Variants in RTF2 observed in about 807,000 individuals in gnomAD.
RTF2 encodes UPF0549 protein C20orf43.
A neutral mutation model predicts 38.0 loss-of-function variants in RTF2; 18 were observed. The observed-to-expected ratio is 0.47, with a 90% confidence interval of 0.33 to 0.70. The LOEUF is 0.70. Among genes scored for constraint, RTF2 ranks in the 30% least tolerant of loss-of-function variants. The pLI, the probability that RTF2 is intolerant of heterozygous loss-of-function variation, is 0.02. For missense variants in RTF2, 311 were observed against 379.6 expected, an observed-to-expected ratio of 0.82 and a Z score of 1.50; for synonymous variants, 126 against 137.1, an observed-to-expected ratio of 0.92 and a Z score of 0.57.
intron 5 of RTF2, among the ~76,000 whole-genome samples, chr20:56,511,333 C>T (rs549800224): frequency 8.6e-4 from 130 of 151,972 alleles, no homozygotes; most frequent in African/African-American, 2.9e-3. Flanking sequence ...TTGTGAACTG[C>T]GCACGTGAGG....
At chr20:56,471,150 C>T (rs747021347) in intron 1 of RTF2, among the ~76,000 whole-genome samples, 87 of 152,088 alleles carry the variant, frequency 5.7e-4, no homozygotes, top group Non-Finnish European at 1.2e-3. Flanking sequence ...TAGGTGGTAT[C>T]AGAATTGAGT....
intron 4 of RTF2, among the ~76,000 whole-genome samples, chr20:56,480,466 C>T (rs539270132): frequency 2.8e-4 from 42 of 152,316 alleles, no homozygotes; most frequent in Non-Finnish European, 4.1e-4. Context: ...ATCAGCAATA[C>T]GGTTGTTTCA....
rs1983455980 is a variant in RTF2 at position 56,495,388 on chromosome 20, C to G, written c.477+11199C>G. 6.1e-6 allele frequency: 6 copies of G among 989,584 alleles called. No homozygotes were observed. The South Asian group carries it at 8.6e-5, about 14-fold the overall frequency. 61.3% of individuals were successfully genotyped at this position (989,584 alleles called of 1,614,324 possible). ...TTCTGTGCTATCATTTCCATTTCCT[C>G]TAGATGAGGTAGTCAATGAGAAAAG... On this transcript the variant is annotated intron_variant, in intron 5 of 8. Coordinates refer to ENST00000357348, the MANE Select transcript of RTF2 (RefSeq NM_016407.5).
At chr20:56,503,588 T>C (rs1349756850) in intron 5 of RTF2, among the ~76,000 whole-genome samples, 2 of 152,210 alleles carry the variant, frequency 1.3e-5, no homozygotes, top group African/African-American at 4.8e-5. Flanking sequence ...AAAAGACACC[T>C]GCAACACCGA....
At chr20:56,479,283 T>C (rs1171747813) in intron 4 of RTF2, among the ~76,000 whole-genome samples, 1 of 152,202 alleles carries the variant, frequency 6.6e-6, no homozygotes, top group African/African-American at 2.4e-5. Flanking sequence ...TGGAGTGCAG[T>C]GGCACAATCT....
intron 5 of RTF2, among the ~76,000 whole-genome samples, chr20:56,491,248 C>G (rs1983107347): frequency 6.6e-6 from 1 of 152,130 alleles, no homozygotes; most frequent in Admixed American, 6.6e-5. Context: ...CGTTCTTATT[C>G]CAGCTTGAGC....
At chr20:56,508,205 A>C (rs1318353449) in intron 5 of RTF2, among the ~76,000 whole-genome samples, 2 of 152,178 alleles carry the variant, frequency 1.3e-5, no homozygotes, top group Non-Finnish European at 2.9e-5. Flanking sequence ...TAAATAACCC[A>C]GCTAAGGCAG....
intron 5 of RTF2, chr20:56,497,466 T>C: frequency 6.6e-7 from 1 of 1,519,104 alleles, no homozygotes; most frequent in South Asian, 1.2e-5. Flanking sequence ...TTCATCTGGG[T>C]AAAAGCCACA....
chr20:56,513,463 T>C, intron 6 of RTF2, 35 bp downstream of exon 6: 1 of 1,556,014 alleles, frequency 6.4e-7, no homozygotes, highest in South Asian at 1.2e-5. Context: ...CCAGCCCCCA[T>C]CTCTGCTCCA....
At position 56,518,934 on chromosome 20, in the gene RTF2, C is replaced by A. The variant is rs41274730; in HGVS notation, c.*669C>A. The A allele has an allele frequency of 0.018, 2,817 of 152,318 alleles. 53 individuals carry two copies. The highest frequency in any genetic ancestry group is 0.041 in the Middle Eastern group (12 of 294). The allele number at this position is 152,318 out of a possible 1,614,324, so 9.4% of individuals were successfully genotyped here. On this transcript the variant is annotated 3_prime_UTR_variant, in exon 9 of 9. Coordinates refer to ENST00000357348, the MANE Select transcript of RTF2 (RefSeq NM_016407.5). ...CCTTCTGCTCATGCTTGGGTAAGAA[C>A]ATTGCAGCCGTTGCATTGGTGATTA...
At chr20:56,476,502 CT>C (rs11472534) in intron 3 of RTF2, among the ~76,000 whole-genome samples, 23 of 142,270 alleles carry the variant, frequency 1.6e-4, no homozygotes, top group Non-Finnish European at 2.1e-4. Flanking sequence ...TTTCTGTTTT[CT>C]TTTTTTTTTT....
intron 5 of RTF2, among the ~76,000 whole-genome samples, chr20:56,492,477 T>G (rs1009485437): frequency 6.8e-6 from 1 of 148,110 alleles, no homozygotes; most frequent in African/African-American, 2.5e-5. Flanking sequence ...CCCAGCACTT[T>G]GGGAGGCCGA....
intron 5 of RTF2, among the ~76,000 whole-genome samples, chr20:56,485,358 G>A (rs1982738761): frequency 6.6e-6 from 1 of 152,200 alleles, no homozygotes; most frequent in Non-Finnish European, 1.5e-5. Context: ...TGAGAGTGGA[G>A]GGCTGGTGAG....
chr20:56,493,498 GAT>G (rs1366571284), intron 5 of RTF2, among the ~76,000 whole-genome samples: 1 of 151,664 alleles, frequency 6.6e-6, no homozygotes, highest in African/African-American at 2.4e-5. Context: ...TATCTACAAA[GAT>G]AAAAAATTAG....
At chr20:56,497,588 T>C in intron 5 of RTF2, 2 of 1,334,474 alleles carry the variant, frequency 1.5e-6, no homozygotes, top group African/African-American at 1.5e-5. Flanking sequence ...GTCCAGACTT[T>C]GTGGCTCGAA....
intron 1 of RTF2, among the ~76,000 whole-genome samples, chr20:56,469,201 C>G (rs1981834846): frequency 6.6e-6 from 1 of 152,208 alleles, no homozygotes; most frequent in Non-Finnish European, 1.5e-5. Context: ...CCTTCCCAAA[C>G]TGTTCCCTTA....
At chr20:56,495,665 C>A (rs1257083501) in intron 5 of RTF2, among the ~76,000 whole-genome samples, 2 of 152,034 alleles carry the variant, frequency 1.3e-5, no homozygotes, top group African/African-American at 4.8e-5. Flanking sequence ...TGTAACAGCC[C>A]TCGGAGATTA....
chr20:56,483,646 C>T (rs1326296989), intron 4 of RTF2, among the ~76,000 whole-genome samples: 2 of 152,174 alleles, frequency 1.3e-5, no homozygotes, highest in African/African-American at 2.4e-5. Flanking sequence ...TCCTGAATTA[C>T]TGCCCGATAG....
chr20:56,516,468 A>G (rs1432317594), intron 6 of RTF2: 1 of 159,016 alleles, frequency 6.3e-6, no homozygotes, highest in African/African-American at 2.4e-5. Flanking sequence ...CACTTGAATA[A>G]CAAATACCAA....
Sources: gnomAD v4.1 joint callset for allele counts (sites outside exome capture counted in the v4.1 genomes callset) on GRCh38, gnomAD v4.1.1 for gene constraint, MANE v1.5 for transcripts, NCBI Gene and HGNC (gene_info 2026-07-23, HGNC 2026-07-21) for gene names.